Variants in BCAR3 observed in about 807,000 individuals in gnomAD.
BCAR3 encodes the protein breast cancer anti-estrogen resistance protein 3.
A neutral mutation model predicts 80.1 loss-of-function variants in BCAR3; 37 were observed. The ratio of observed to expected loss-of-function variants is 0.46; its 90% CI spans 0.36 to 0.61. The LOEUF (loss-of-function observed/expected upper bound fraction) is 0.61, where lower values mean the gene tolerates loss of function less well. Ranked by LOEUF, BCAR3 falls within the 20% of genes least tolerant of loss-of-function variation. BCAR3 has a pLI of 0.00. For missense variants in BCAR3, 978 were observed against 1,068.2 expected, an observed-to-expected ratio of 0.92 and a Z score of 1.18; for synonymous variants, 389 against 418.9, an observed-to-expected ratio of 0.93 and a Z score of 0.87.
At chr1:93,740,241 C>T (rs1190612349) in intron 2 of BCAR3, among the ~76,000 whole-genome samples, 2 of 152,172 alleles carry the variant, frequency 1.3e-5, no homozygotes, top group African/African-American at 4.8e-5. Flanking sequence ...TGTGTGGCAT[C>T]CAGGCCTAGG....
At chr1:93,651,929 A>G (rs1233596799) in intron 2 of BCAR3, among the ~76,000 whole-genome samples, 2 of 152,196 alleles carry the variant, frequency 1.3e-5, no homozygotes, top group South Asian at 4.1e-4. Context: ...CCATGTCAAC[A>G]TGTTAGCCCA....
intron 3 of BCAR3, among the ~76,000 whole-genome samples, chr1:93,618,011 G>C (rs534446696): frequency 6.6e-6 from 1 of 152,348 alleles, no homozygotes; most frequent in African/African-American, 2.4e-5. Context: ...AAGAGCCAGA[G>C]GGCCTGAGGG....
At chr1:93,796,451 G>A (rs1158673235) in intron 2 of BCAR3, among the ~76,000 whole-genome samples, 7 of 148,272 alleles carry the variant, frequency 4.7e-5, no homozygotes, top group South Asian at 2.1e-4. Context: ...TCTTTGACTC[G>A]GAAAGGGAAC....
At chr1:93,697,859 T>C (rs1649474471) in intron 3 of BCAR3, among the ~76,000 whole-genome samples, 1 of 152,032 alleles carries the variant, frequency 6.6e-6, no homozygotes, top group South Asian at 2.1e-4. Context: ...ATGCCTGTAA[T>C]CCCAGCTACT....
At chr1:93,796,377 G>A (rs1480388476) in intron 2 of BCAR3, among the ~76,000 whole-genome samples, 4 of 144,924 alleles carry the variant, frequency 2.8e-5, no homozygotes, top group Non-Finnish European at 5.9e-5. Flanking sequence ...TTTTTAAGCC[G>A]GTCTGAAAAG....
chr1:93,674,700 T>C lies in BCAR3; in HGVS notation c.231A>G (p.Lys77=), dbSNP rs889652447. ...TCACAGGCGAGTTCTGCCGTGGGGA[T>C]TTGGAGTGGGGGAGGGTGCCCATGT... ...FSHMGTLPHS[K]SPRQNSPVTQ... is the part of the protein sequence containing the mutation. Residue 77 remains lysine (K), a synonymous_variant, in exon 2 of 12, where the codon AAA becomes AAG. Coordinates refer to ENST00000260502, the MANE Select transcript of BCAR3 (RefSeq NM_003567.4). 4.3e-6 allele frequency: 7 copies of C among 1,613,674 alleles called. No individual in the cohort carries two copies. The highest frequency in any genetic ancestry group is 5.9e-6 in the Non-Finnish European group (7 of 1,179,944).
At chr1:93,571,949 C>T in intron 8 of BCAR3, 108 bp from the exon 9 acceptor site, 1 of 1,298,382 alleles carries the variant, frequency 7.7e-7, no homozygotes, top group Non-Finnish European at 1.1e-6. Flanking sequence ...GCTCCTTTTG[C>T]TCTAAAATGT....
Position 93,811,131 on chromosome 1 carries a change from C to T in BCAR3, c.-63+34436G>A, listed in dbSNP as rs551584346. 6.6e-5 allele frequency among the ~76,000 whole-genome samples: 10 copies of T among 152,326 alleles called. No homozygotes were observed. The South Asian group carries it at 1.5e-3, about 22-fold the overall frequency. ...AGCTCGTGAGGGACCAAAGCACAGC[C>T]GTGAAAGCTGATGGGGACACAATCA... is the stretch of plus-strand genomic sequence containing the variant. On this transcript the variant is annotated intron_variant, in intron 2 of 13. Transcript: ENST00000370244.
intron 2 of BCAR3, among the ~76,000 whole-genome samples, chr1:93,816,888 C>T (rs1654039768): frequency 6.6e-6 from 1 of 151,988 alleles, no homozygotes; most frequent in Non-Finnish European, 1.5e-5. Context: ...GCTATACTTA[C>T]AAAAACAGGT....
chr1:93,682,538 T>A (rs537601114), upstream of BCAR3, among the ~76,000 whole-genome samples: 29 of 152,270 alleles, frequency 1.9e-4, no homozygotes, highest in African/African-American at 7.0e-4. Context: ...AATCCCCCCA[T>A]CCCCAGTCAA....
At chr1:93,622,410 T>C (rs1367092518) in intron 3 of BCAR3, among the ~76,000 whole-genome samples, 2 of 152,180 alleles carry the variant, frequency 1.3e-5, no homozygotes, top group Non-Finnish European at 2.9e-5. Context: ...CTTTATCTTA[T>C]GCAAATCTGA....
rs76969208 is a variant in BCAR3 at position 93,729,052 on chromosome 1, T to A, written c.-62-22910A>T. ...GTATCACTAGGACACTAACACATGG[T>A]ATATCTGCTGTACACTGTATTTTCT... On this transcript the variant is annotated intron_variant, in intron 2 of 13. Coordinates refer to the BCAR3 transcript ENST00000370244. Among the ~76,000 whole-genome samples, 1,374 of 152,292 alleles carry A rather than the reference T, an allele frequency of 9.0e-3. 19 individuals are homozygous for A. The highest frequency in any genetic ancestry group is 0.032 in the African/African-American group (1,329 of 41,550).
intron 3 of BCAR3, among the ~76,000 whole-genome samples, chr1:93,607,943 T>G (rs1392462415): frequency 6.6e-6 from 1 of 152,090 alleles, no homozygotes; most frequent in Non-Finnish European, 1.5e-5. Flanking sequence ...GTCTTCCCCC[T>G]CCTAGTAGGC....
intron 3 of BCAR3, among the ~76,000 whole-genome samples, chr1:93,629,614 C>T (rs1675548393): frequency 1.3e-5 from 2 of 152,136 alleles, no homozygotes; most frequent in South Asian, 2.1e-4. Context: ...ATTTAGAAAC[C>T]GAATTGTAGC....
chr1:93,654,447 C>T (rs575724670), intron 2 of BCAR3, among the ~76,000 whole-genome samples: 14 of 152,082 alleles, frequency 9.2e-5, no homozygotes, highest in Non-Finnish European at 1.8e-4. Flanking sequence ...GAACTGAATT[C>T]TGCCAATAAC....
chr1:93,847,989 G>A, upstream of BCAR3: 2 of 185,480 alleles, frequency 1.1e-5, no homozygotes, highest in South Asian at 1.7e-4. Context: ...GGGGAGGCCC[G>A]GGTCTCGGGT....
rs1484124774 is a variant in BCAR3 at position 93,593,354 on chromosome 1, AT to A, written c.358-962del. On this transcript the variant is annotated intron_variant, in intron 3 of 11. Transcript: ENST00000260502. ...TTACTTATCACACTACTTTTTAAAAATGTTTATTTATTTTATTTTTTTTGAG... is the reference window on the plus strand; with the variant it reads ...TTACTTATCACACTACTTTTTAAAAAGTTTATTTATTTTATTTTTTTTGAG... Among the ~76,000 whole-genome samples the A allele has an allele frequency of 5.3e-5, 8 of 152,230 alleles. No individual in the cohort carries two copies. In the East Asian group the frequency reaches 1.5e-3, roughly 29 times the overall value.
chr1:93,663,052 G>C (rs1647738068), intron 2 of BCAR3, among the ~76,000 whole-genome samples: 1 of 152,076 alleles, frequency 6.6e-6, no homozygotes, highest in Non-Finnish European at 1.5e-5. Context: ...GGTGGCATTA[G>C]AGTCTCTTGT....
chr1:93,680,153 T>C (rs1467817265), intron 1 of BCAR3, among the ~76,000 whole-genome samples: 1 of 152,246 alleles, frequency 6.6e-6, no homozygotes, highest in African/African-American at 2.4e-5. Flanking sequence ...GATTCAAGTA[T>C]GAATAATTCC....
Sources: gnomAD v4.1 joint callset for allele counts (sites outside exome capture counted in the v4.1 genomes callset) on GRCh38, gnomAD v4.1.1 for gene constraint, MANE v1.5 for transcripts, NCBI Gene and HGNC (gene_info 2026-07-23, HGNC 2026-07-21) for gene names.